WWC2: variants seen among roughly 807,000 people sequenced by gnomAD.
The protein encoded by WWC2 is protein WWC2.
WWC2 carries 101 observed loss-of-function variants against 138.5 expected under a neutral mutation model. The observed-to-expected ratio is 0.73, with a 90% CI of 0.62 to 0.86. The LOEUF is 0.86. WWC2 is among the 40% of genes least tolerant of loss of function. The pLI, the probability that WWC2 is intolerant of heterozygous loss-of-function variation, is 0.00. For synonymous variants in WWC2, 558 were observed against 538.4 expected (o/e 1.04, Z -0.50); for missense variants, 1,420 against 1,419.4 (o/e 1.00, Z -0.01).
chr4:183,214,782 CAAA>C, intron 4 of WWC2, among the ~76,000 whole-genome samples: 1 of 134,558 alleles, frequency 7.4e-6, no homozygotes, highest in African/African-American at 2.7e-5. Context: ...AACTCCGTCT[CAAA>C]AAAAAAAAAG....
At chr4:183,245,650 C>CTTAGAA in intron 6 of WWC2, 105 bp downstream of exon 6, 1 of 1,292,478 alleles carries the variant, frequency 7.7e-7, no homozygotes, top group East Asian at 3.0e-5. Context: ...GACCCTTCTA[C>CTTAGAA]CTCTGCCACA....
At chr4:183,235,241 C>T (rs1736385168) in intron 4 of WWC2, among the ~76,000 whole-genome samples, 3 of 152,158 alleles carry the variant, frequency 2.0e-5, no homozygotes, top group Admixed American at 1.3e-4. Context: ...AGGTTAGCTT[C>T]CTATGTGATT....
chr4:183,197,154 CAAA>C (rs1174045531), intron 2 of WWC2, among the ~76,000 whole-genome samples: 1 of 151,998 alleles, frequency 6.6e-6, no homozygotes, highest in East Asian at 1.9e-4. Context: ...AATTATGTGT[CAAA>C]AAACACCATT....
At chr4:183,285,851 GAAAT>G in intron 19 of WWC2, 112 bp from the exon 20 acceptor site, 1 of 923,232 alleles carries the variant, frequency 1.1e-6, no homozygotes, top group Non-Finnish European at 1.7e-6. Context: ...TTTTCTTAAA[GAAAT>G]AAACTCTTAA....
intron 2 of WWC2, among the ~76,000 whole-genome samples, chr4:183,207,490 T>G (rs1370399046): frequency 6.6e-6 from 1 of 152,202 alleles, no homozygotes; most frequent in Non-Finnish European, 1.5e-5. Context: ...ATTTCTGTCA[T>G]TACTGTTGCG....
In WWC2 at chr4:183,263,261, G is replaced by A. The variant is rs545348431; in HGVS notation, c.1910-1717G>A. On this transcript the variant is annotated intron_variant, in intron 11 of 22. Coordinates refer to ENST00000403733, the MANE Select transcript of WWC2 (RefSeq NM_024949.6). ...CCACTTCTAACATTCAGCCAATTTG[G>A]AGGGGCAGTAAGTGAGGCTGGATGC... 2.6e-5 allele frequency among the ~76,000 whole-genome samples: 4 copies of A among 152,258 alleles called. No homozygotes were observed. In the South Asian group the frequency reaches 8.3e-4, roughly 32 times the overall value.
At position 183,288,807 on chromosome 4, in the gene WWC2, A is replaced by G. The variant is rs541031837; in HGVS notation, c.3142-586A>G. On this transcript the variant is annotated intron_variant, in intron 20 of 22. Coordinates refer to ENST00000403733, the MANE Select transcript of WWC2 (RefSeq NM_024949.6). ...TCAAGGAAGGCAACTCAGTTTAAGC[A>G]TTCTGATTGGAGGAGATAGTCAAAA... Among the ~76,000 whole-genome samples the G allele has an allele frequency of 4.3e-4, 66 of 152,394 alleles. 1 individual carries two copies. The East Asian group carries it at 5.6e-3, about 13-fold the overall frequency.
intron 5 of WWC2, among the ~76,000 whole-genome samples, chr4:183,243,765 G>A (rs1389893423): frequency 2.0e-5 from 3 of 150,826 alleles, no homozygotes; most frequent in African/African-American, 7.3e-5. Flanking sequence ...GTGTGTGTGT[G>A]TGTGTGTGTG....
rs569530415 is a variant in WWC2, at chr4:183,261,294, T to A, written c.1671T>A (p.Pro557=). The change falls in exon 11 of 23, where the codon CCT becomes CCA. Residue 557 remains proline (P), a synonymous_variant. Coordinates refer to ENST00000403733, the MANE Select transcript of WWC2 (RefSeq NM_024949.6). The part of the protein sequence containing the change: ...SSRSSLSSLS[P]PGSPLVLEGT... ...GGTCCTCCCTTTCCTCCTTGTCTCC[T>A]CCAGGCTCTCCCTTGGTTTTGGAAG... is the stretch of plus-strand genomic sequence containing the variant. 6.2e-7 allele frequency: 1 copy of A among 1,613,612 alleles called. No homozygotes were observed. Among genetic ancestry groups the A allele is most frequent in the South Asian group, 1.1e-5 (1 of 90,924 alleles).
intron 1 of WWC2, among the ~76,000 whole-genome samples, chr4:183,157,587 A>G (rs932205226): frequency 4.0e-5 from 6 of 151,876 alleles, no homozygotes; most frequent in African/African-American, 1.5e-4. Flanking sequence ...TGCAACCTCC[A>G]CCTCCTGGGT....
At chr4:183,220,651 A>G (rs113250956) in intron 4 of WWC2, among the ~76,000 whole-genome samples, 1,846 of 152,010 alleles carry the variant, frequency 0.012, 39 homozygotes, top group African/African-American at 0.041. Context: ...TGGCTAACAC[A>G]GTGAAACGCC....
At chr4:183,182,568 GTGTT>G (rs1233500197) in intron 1 of WWC2, among the ~76,000 whole-genome samples, 1 of 152,180 alleles carries the variant, frequency 6.6e-6, no homozygotes, top group African/African-American at 2.4e-5. Flanking sequence ...TCAGGTTAAA[GTGTT>G]TGACCACTTT....
chr4:183,141,149 AC>A (rs1460849812), intron 1 of WWC2, among the ~76,000 whole-genome samples: 2 of 152,208 alleles, frequency 1.3e-5, no homozygotes, highest in Admixed American at 6.5e-5. Flanking sequence ...ATAACAAAAT[AC>A]CACTGACTGA....
At chr4:183,193,910 G>T (rs568117269) in intron 2 of WWC2, among the ~76,000 whole-genome samples, 14 of 152,294 alleles carry the variant, frequency 9.2e-5, no homozygotes, top group African/African-American at 2.9e-4. Context: ...AGGGAGAAAG[G>T]GTATCTGGCC....
chr4:183,304,771 T>A (rs1579073878), intron 21 of WWC2, among the ~76,000 whole-genome samples: 2 of 152,188 alleles, frequency 1.3e-5, no homozygotes, highest in African/African-American at 4.8e-5. Flanking sequence ...ACACTTGCCT[T>A]CTTTACCCCC....
At chr4:183,280,745 T>C (rs181726997) in intron 16 of WWC2, 31 bp from the exon 17 acceptor site, 2 of 1,577,738 alleles carry the variant, frequency 1.3e-6, no homozygotes, top group Admixed American at 3.7e-5. Flanking sequence ...AAGTATATTA[T>C]GTTAATTGCC....
chr4:183,271,202 A>G lies in WWC2; in HGVS notation c.2523A>G (p.Val841=). The part of the protein sequence containing the change: ...CKKNEENEDS[V]FQPNQPLVDS... ...AGAATGAAGAAAATGAGGACTCTGT[A>G]TTTCAACCAAACCAGCCGTTAGTAG... Residue 841 remains valine (V), a synonymous_variant, in exon 16 of 23, where the codon GTA becomes GTG. Transcript: ENST00000403733. 1 of 1,613,022 alleles carries G rather than the reference A, an allele frequency of 6.2e-7. No individual in the cohort carries two copies. Among genetic ancestry groups the G allele is most frequent in the Non-Finnish European group, 8.5e-7 (1 of 1,179,510 alleles).
chr4:183,247,015 T>A (rs971198519), intron 6 of WWC2, among the ~76,000 whole-genome samples: 1 of 152,228 alleles, frequency 6.6e-6, no homozygotes, highest in African/African-American at 2.4e-5. Flanking sequence ...CCTTTTCAGT[T>A]ACTAAATTAC....
chr4:183,171,171 A>G (rs138595011), intron 1 of WWC2, among the ~76,000 whole-genome samples: 14 of 152,298 alleles, frequency 9.2e-5, no homozygotes, highest in African/African-American at 2.9e-4. Flanking sequence ...TATCTTTCCA[A>G]TTAGACTCAG....
Sources: gnomAD v4.1 joint callset for allele counts (sites outside exome capture counted in the v4.1 genomes callset) on GRCh38, gnomAD v4.1.1 for gene constraint, MANE v1.5 for transcripts, NCBI Gene and HGNC (gene_info 2026-07-23, HGNC 2026-07-21) for gene names.